LARS2: variants seen among roughly 807,000 people sequenced by gnomAD.
LARS2 encodes the protein leucyl-tRNA synthetase 2, mitochondrial, also known as leucine--tRNA ligase, mitochondrial.
A neutral mutation model predicts 116.6 loss-of-function variants in LARS2; 81 were observed. The ratio of observed to expected loss-of-function variants is 0.69; its 90% CI spans 0.58 to 0.84. LARS2 has a LOEUF of 0.84. Among genes scored for constraint, LARS2 ranks in the 40% least tolerant of loss-of-function variants. The probability of loss-of-function intolerance (pLI) is 0.00; values close to 1 mark genes in which losing one functional copy is unlikely to be tolerated. For synonymous variants in LARS2, 396 were observed against 407.2 expected (o/e 0.97, Z 0.33); for missense variants, 968 against 1,114.5 (o/e 0.87, Z 1.87).
rs1156448595 is a variant in LARS2, at chr3:45,547,363, G to T, written c.2545G>T (p.Ala849Ser). 2.5e-6 allele frequency: 4 copies of T among 1,609,252 alleles called. No individual in the cohort carries two copies. The highest frequency in any genetic ancestry group is 3.4e-6 in the Non-Finnish European group (4 of 1,178,464). ...TTCTCCTTCTCAGATCAACAATAAAGCTTGTGGCAAAATTCCTGTGCCCCA... is the reference window on the plus strand; with the variant it reads ...TTCTCCTTCTCAGATCAACAATAAATCTTGTGGCAAAATTCCTGTGCCCCA... The part of the protein sequence containing the change: ...VQMAVLINNK[A>S]CGKIPVPQQV... Residue 849 changes from alanine (A) to serine (S), a missense_variant, in exon 22 of 22, where the codon GCT becomes TCT. By Grantham distance (99) the Ala-to-Ser change is moderately conservative. Coordinates refer to ENST00000645846, the MANE Select transcript of LARS2 (RefSeq NM_015340.4).
intron 20 of LARS2, among the ~76,000 whole-genome samples, chr3:45,532,326 A>G (rs1316105173): frequency 6.6e-6 from 1 of 152,082 alleles, no homozygotes; most frequent in Non-Finnish European, 1.5e-5. Flanking sequence ...CTTAATGCCT[A>G]TTGTCCAGTT....
intron 9 of LARS2, 48 bp downstream of exon 9, chr3:45,474,398 C>T (rs1218233008): frequency 7.8e-7 from 1 of 1,275,162 alleles, no homozygotes; most frequent in African/African-American, 1.4e-5. Flanking sequence ...CAAATCTCCT[C>T]TACATTTGGG....
At chr3:45,473,316 T>C (rs1699558007) in intron 8 of LARS2, among the ~76,000 whole-genome samples, 1 of 152,186 alleles carries the variant, frequency 6.6e-6, no homozygotes. Flanking sequence ...AGCAATAGTT[T>C]GCATAGATAG....
chr3:45,398,801 C>G (rs757507017), intron 3 of LARS2, among the ~76,000 whole-genome samples: 1 of 152,206 alleles, frequency 6.6e-6, no homozygotes, highest in Non-Finnish European at 1.5e-5. Context: ...CCTGCTGGCA[C>G]TGGGGGCAGA....
chr3:45,415,860 A>AAAATATAT (rs1553627793), intron 4 of LARS2, among the ~76,000 whole-genome samples: 1 of 92,742 alleles, frequency 1.1e-5, no homozygotes, highest in African/African-American at 5.0e-5. Context: ...AAAAAAAAAA[A>AAAATATAT]ATATATATAT....
chr3:45,415,858 AAAATAT>A lies in LARS2; in HGVS notation c.364-1622_364-1617del, dbSNP rs1454556818. Among the ~76,000 whole-genome samples, 756 of 100,152 alleles carry A rather than the reference AAAATAT, an allele frequency of 7.5e-3. 17 individuals are homozygous for A. The highest frequency in any genetic ancestry group is 7.3e-3 in the Non-Finnish European group (387 of 52,904). The allele number at this position is 100,152 out of a possible 152,430, so 65.7% of individuals were successfully genotyped here. A position where few individuals can be genotyped will look rare whatever the true frequency, so the allele number is the denominator to read the frequency against. ...GCAAGACTCCATCTCAAAAAAAAAAAAAATATATATATATATATAGAGAGAGAGAGA... is the reference window on the plus strand; with the variant it reads ...GCAAGACTCCATCTCAAAAAAAAAAAATATATATATATAGAGAGAGAGAGA... On this transcript the variant is annotated intron_variant, in intron 4 of 21. Transcript: ENST00000645846.
intron 7 of LARS2, among the ~76,000 whole-genome samples, chr3:45,450,861 A>G (rs1381212583): frequency 6.6e-6 from 1 of 152,124 alleles, no homozygotes; most frequent in African/African-American, 2.4e-5. Flanking sequence ...CTGTTACTCC[A>G]TCTTTTAATA....
At chr3:45,392,886 C>G (rs1222459994) in intron 2 of LARS2, among the ~76,000 whole-genome samples, 3 of 152,132 alleles carry the variant, frequency 2.0e-5, no homozygotes, top group Non-Finnish European at 4.4e-5. Context: ...TTCTTTATTT[C>G]TCTCTGGTTT....
At chr3:45,498,435 T>C (rs1399903898) in intron 14 of LARS2, among the ~76,000 whole-genome samples, 1 of 152,202 alleles carries the variant, frequency 6.6e-6, no homozygotes. Context: ...GTCGCCTGGA[T>C]TGGCAGTTGA....
intron 3 of LARS2, among the ~76,000 whole-genome samples, chr3:45,395,857 A>G (rs1360033798): frequency 6.6e-6 from 1 of 152,236 alleles, no homozygotes; most frequent in African/African-American, 2.4e-5. Context: ...GTAAAATGAA[A>G]TGAAAAAAAG....
rs376904246 is a variant in LARS2, at chr3:45,438,943, G to A, written c.517-7948G>A. ...TGTCCTATCATTTGTAAATTGCTGGGGGATTTGTTAGATACAAGAAGGGCT... is the reference window on the plus strand; with the variant it reads ...TGTCCTATCATTTGTAAATTGCTGGAGGATTTGTTAGATACAAGAAGGGCT... On this transcript the variant is annotated intron_variant, in intron 6 of 21. Coordinates refer to ENST00000645846, the MANE Select transcript of LARS2 (RefSeq NM_015340.4). Among the ~76,000 whole-genome samples, 34 of 152,240 alleles carry A rather than the reference G, an allele frequency of 2.2e-4. No homozygotes were observed. In the South Asian group the frequency reaches 2.9e-3, roughly 13 times the overall value.
Position 45,446,938 on chromosome 3 carries a change from CTT to C in LARS2, c.566_567del (p.Phe189TyrfsTer2). 1 of 1,611,090 alleles carries C rather than the reference CTT, an allele frequency of 6.2e-7. No homozygotes were observed. The highest frequency in any genetic ancestry group is 8.5e-7 in the Non-Finnish European group (1 of 1,178,044). On this transcript the variant is annotated frameshift_variant, in exon 7 of 22. Coordinates refer to ENST00000645846, the MANE Select transcript of LARS2 (RefSeq NM_015340.4). LOFTEE classifies it high-confidence loss of function. ...PDYYKWTQYL[F>X]IKLYEAGLAY... is the part of the protein sequence containing the mutation. ...ATTACTACAAGTGGACTCAGTATCT[CTT>C]TATTAAACTGTATGAGGCTGGGCTG...
At chr3:45,492,662 G>A (rs1459684579) in intron 13 of LARS2, among the ~76,000 whole-genome samples, 1 of 152,138 alleles carries the variant, frequency 6.6e-6, no homozygotes, top group Non-Finnish European at 1.5e-5. Flanking sequence ...TACCTTCTCT[G>A]AGCGTGAAAT....
intron 6 of LARS2, among the ~76,000 whole-genome samples, chr3:45,440,563 T>C (rs1356983334): frequency 6.6e-6 from 1 of 151,254 alleles, no homozygotes; most frequent in Non-Finnish European, 1.5e-5. Flanking sequence ...TTGATAAACA[T>C]GTTGCCTCGG....
intron 8 of LARS2, among the ~76,000 whole-genome samples, chr3:45,460,004 A>G (rs1699287515): frequency 6.6e-6 from 1 of 152,212 alleles, no homozygotes; most frequent in African/African-American, 2.4e-5. Flanking sequence ...CTTACATACA[A>G]AGAAAGCACA....
chr3:45,496,845 G>C (rs1426509991), intron 14 of LARS2, among the ~76,000 whole-genome samples: 1 of 152,232 alleles, frequency 6.6e-6, no homozygotes, highest in East Asian at 1.9e-4. Context: ...TAAAGGGAGA[G>C]TGCTACATCA....
chr3:45,463,834 A>G (rs1186435017), intron 8 of LARS2, among the ~76,000 whole-genome samples: 4 of 152,116 alleles, frequency 2.6e-5, no homozygotes. Context: ...AAAAGAGTGC[A>G]GGGGAGACGA....
chr3:45,391,497 AC>A (rs1697948505), intron 1 of LARS2, 85 bp from the exon 2 acceptor site: 1 of 151,596 alleles, frequency 6.6e-6, no homozygotes, highest in Admixed American at 6.6e-5. Context: ...AAAAAAAAAA[AC>A]AAAATCCATC....
chr3:45,430,923 A>G (rs1234573815), intron 6 of LARS2, among the ~76,000 whole-genome samples: 1 of 152,142 alleles, frequency 6.6e-6, no homozygotes, highest in Non-Finnish European at 1.5e-5. Flanking sequence ...GACTGAATGT[A>G]TCCCTCTAAA....
Sources: allele counts gnomAD v4.1 joint callset (sites outside exome capture counted in the v4.1 genomes callset), GRCh38; gene constraint gnomAD v4.1.1; transcripts MANE v1.5; gene names NCBI Gene and HGNC (gene_info 2026-07-23, HGNC 2026-07-21).